Variants in PRKN observed in about 807,000 individuals in gnomAD.
PRKN encodes parkin RBR E3 ubiquitin protein ligase.
A neutral mutation model predicts 59.5 loss-of-function variants in PRKN; 56 were observed. That is an observed-to-expected ratio of 0.94 (90% CI 0.76 to 1.18). The LOEUF is 1.18. Ranked by LOEUF, PRKN falls within the 50% of genes most tolerant of loss-of-function variation. The pLI is 0.00. For synonymous variants in PRKN, 250 were observed against 222.1 expected (o/e 1.13, Z -1.12); for missense variants, 657 against 596.4 (o/e 1.10, Z -1.06).
At chr6:162,362,569 C>T (rs1338286741) in intron 2 of PRKN, among the ~76,000 whole-genome samples, 1 of 152,038 alleles carries the variant, frequency 6.6e-6, no homozygotes, top group Admixed American at 6.6e-5. Context: ...ACCTGTTTCT[C>T]TATTTTATTT....
At chr6:161,946,456 CAA>C (rs1779787459) in intron 6 of PRKN, among the ~76,000 whole-genome samples, 1 of 134,436 alleles carries the variant, frequency 7.4e-6, no homozygotes. Flanking sequence ...TCTCTCAATA[CAA>C]AAGAGACAGC....
At chr6:161,672,222 A>G (rs1203062097) in intron 7 of PRKN, among the ~76,000 whole-genome samples, 1 of 152,094 alleles carries the variant, frequency 6.6e-6, no homozygotes, top group Non-Finnish European at 1.5e-5. Flanking sequence ...TAGATACTAA[A>G]TGTATAAATT....
intron 4 of PRKN, among the ~76,000 whole-genome samples, chr6:162,103,042 C>CAAAAAAAA (rs1163020488): frequency 3.0e-4 from 16 of 53,988 alleles, no homozygotes; most frequent in Admixed American, 8.4e-4. Flanking sequence ...GACTCTGTCT[C>CAAAAAAAA]AAAAAAAAAA....
intron 6 of PRKN, among the ~76,000 whole-genome samples, chr6:161,871,822 A>G (rs1583276103): frequency 1.3e-5 from 2 of 152,086 alleles, no homozygotes; most frequent in African/African-American, 4.8e-5. Flanking sequence ...AATACTTAAC[A>G]TATCTGTGCT....
At chr6:162,388,133 T>C (rs2128143319) in intron 2 of PRKN, among the ~76,000 whole-genome samples, 1 of 152,308 alleles carries the variant, frequency 6.6e-6, no homozygotes, top group South Asian at 2.1e-4. Context: ...GTTAATTATG[T>C]TCTTCGGGCT....
intron 2 of PRKN, among the ~76,000 whole-genome samples, chr6:162,285,594 G>A (rs1023781920): frequency 1.1e-4 from 17 of 152,122 alleles, no homozygotes; most frequent in Non-Finnish European, 1.8e-4. Context: ...TAACTCTCAA[G>A]AACTGTATTA....
chr6:162,665,325 T>G (rs1348012502), intron 1 of PRKN, among the ~76,000 whole-genome samples: 1 of 152,044 alleles, frequency 6.6e-6, no homozygotes, highest in South Asian at 2.1e-4. Flanking sequence ...GATAAGTAAC[T>G]TCAGCAAAGT....
At chr6:162,643,050 A>G (rs1778022128) in intron 1 of PRKN, among the ~76,000 whole-genome samples, 1 of 152,168 alleles carries the variant, frequency 6.6e-6, no homozygotes, top group South Asian at 2.1e-4. Context: ...CACTGACACA[A>G]TAACTAATCA....
intron 8 of PRKN, among the ~76,000 whole-genome samples, chr6:161,555,363 G>A (rs1340826547): frequency 6.6e-6 from 1 of 152,108 alleles, no homozygotes; most frequent in African/African-American, 2.4e-5. Context: ...TAATAGCCCT[G>A]TACGGGACTG....
chr6:162,608,715 A>G (rs1293941719), intron 1 of PRKN, among the ~76,000 whole-genome samples: 1 of 152,226 alleles, frequency 6.6e-6, no homozygotes, highest in African/African-American at 2.4e-5. Context: ...GGGAAACCTC[A>G]GATGTGAGCC....
At chr6:162,609,442 G>T (rs1782049158) in intron 1 of PRKN, among the ~76,000 whole-genome samples, 1 of 152,164 alleles carries the variant, frequency 6.6e-6, no homozygotes, top group Non-Finnish European at 1.5e-5. Flanking sequence ...AGGAGTTTGT[G>T]GCTTTTAAAA....
At position 162,262,611 on chromosome 6, in the gene PRKN, C is replaced by T. The variant is rs1450232889; in HGVS notation, c.326G>A (p.Ser109Asn). ...PQSLTRVDLS[S>N]SVLPGDSVGL... Reference sequence around the variant, plus strand: ...CACAGAGTCTCCTGGGAGGACTGAGCTGCTGAGGTCCACCCGAGTCAAGCT... The same window carrying T: ...CACAGAGTCTCCTGGGAGGACTGAGTTGCTGAGGTCCACCCGAGTCAAGCT... The change falls in exon 3 of 12, where the codon AGC becomes AAC. Residue 109 changes from serine (S) to asparagine (N), a missense_variant. Coordinates refer to ENST00000366898, the MANE Select transcript of PRKN (RefSeq NM_004562.3). The T allele has an allele frequency of 1.3e-5, 21 of 1,613,894 alleles. 2 individuals carry two copies. The highest frequency in any genetic ancestry group is 1.7e-5 in the Non-Finnish European group (20 of 1,179,982).
chr6:162,348,113 G>A (rs945419074), intron 2 of PRKN, among the ~76,000 whole-genome samples: 1 of 152,168 alleles, frequency 6.6e-6, no homozygotes, highest in Non-Finnish European at 1.5e-5. Flanking sequence ...AAAAGGATTA[G>A]AGATAACAGT....
chr6:162,359,079 A>AAAAATATATATATATATATATAT (rs57265104), intron 2 of PRKN, among the ~76,000 whole-genome samples: 1 of 83,272 alleles, frequency 1.2e-5, no homozygotes, highest in African/African-American at 7.3e-5. Flanking sequence ...AAAAAAAAAA[A>AAAAATATATATATATATATATAT]ATATATATAT....
chr6:161,869,587 C>T (rs1266640564), intron 6 of PRKN, among the ~76,000 whole-genome samples: 1 of 152,138 alleles, frequency 6.6e-6, no homozygotes, highest in Admixed American at 6.5e-5. Context: ...GAAGCCACAT[C>T]ACCCCGCTTC....
At chr6:162,555,444 G>A (rs150090561) in intron 1 of PRKN, among the ~76,000 whole-genome samples, 1 of 152,000 alleles carries the variant, frequency 6.6e-6, no homozygotes, top group Non-Finnish European at 1.5e-5. Flanking sequence ...TAATCCATTG[G>A]GTAAAGAAAA....
chr6:161,622,625 C>T (rs1782948890), intron 7 of PRKN, among the ~76,000 whole-genome samples: 1 of 152,206 alleles, frequency 6.6e-6, no homozygotes, highest in Non-Finnish European at 1.5e-5. Context: ...AGGTTCTGTT[C>T]CTCTTCTGTC....
intron 1 of PRKN, among the ~76,000 whole-genome samples, chr6:162,492,956 C>CAAAAAA (rs34716532): frequency 4.5e-5 from 5 of 110,342 alleles, no homozygotes; most frequent in Non-Finnish European, 5.4e-5. Context: ...TTGTCTCAAA[C>CAAAAAA]AAAAAAAAAA....
At chr6:162,119,410 C>T (rs1780812464) in intron 4 of PRKN, among the ~76,000 whole-genome samples, 1 of 152,200 alleles carries the variant, frequency 6.6e-6, no homozygotes, top group Non-Finnish European at 1.5e-5. Flanking sequence ...CTCTTCCACA[C>T]TCTGCTCTGG....
Sources: gnomAD v4.1 joint callset for allele counts (sites outside exome capture counted in the v4.1 genomes callset) on GRCh38, gnomAD v4.1.1 for gene constraint, MANE v1.5 for transcripts, NCBI Gene and HGNC (gene_info 2026-07-23, HGNC 2026-07-21) for gene names.